The following PVT1 variants were observed in gnomAD, a reference collection of about 807,000 sequenced individuals.
The protein encoded by PVT1 is Pvt1 oncogene, also known as CXCR4/PVT1 fusion.
chr8:128,020,195 C>A (rs1181424160), intron 4 of PVT1, among the ~76,000 whole-genome samples: 1 of 152,146 alleles, frequency 6.6e-6, no homozygotes, highest in Non-Finnish European at 1.5e-5. Context: ...ACAGAATGGC[C>A]CTCTAAAGAT....
At chr8:128,030,610 TC>T (rs992911419) in intron 4 of PVT1, among the ~76,000 whole-genome samples, 1 of 152,214 alleles carries the variant, frequency 6.6e-6, no homozygotes, top group Admixed American at 6.5e-5. Context: ...CTTTTGGAGT[TC>T]CCCAAGGCAG....
intron 4 of PVT1, among the ~76,000 whole-genome samples, chr8:128,065,131 A>ACGTGCATGTG (rs1356126830): frequency 6.6e-6 from 1 of 152,222 alleles, no homozygotes; most frequent in East Asian, 1.9e-4. Flanking sequence ...TTTACAATGT[A>ACGTGCATGTG]CGTGCATGTG....
At chr8:127,971,200 C>A (rs1816761184) in intron 3 of PVT1, among the ~76,000 whole-genome samples, 1 of 152,242 alleles carries the variant, frequency 6.6e-6, no homozygotes, top group African/African-American at 2.4e-5. Flanking sequence ...CTCATTTGCT[C>A]TGCATAGCAG....
chr8:128,049,364 C>T (rs1316689065), intron 4 of PVT1: 8 of 337,320 alleles, frequency 2.4e-5, no homozygotes, highest in African/African-American at 6.5e-5. Flanking sequence ...CCCAGCTTTG[C>T]GCGGAGGCAG....
At chr8:128,071,609 C>T (rs1813993671) in intron 5 of PVT1, among the ~76,000 whole-genome samples, 1 of 151,654 alleles carries the variant, frequency 6.6e-6, no homozygotes, top group Admixed American at 6.6e-5. Context: ...CGCTTGAGCC[C>T]AGGAGGTCAA....
intron 1 of PVT1, among the ~76,000 whole-genome samples, chr8:127,795,011 T>C (rs1216509482): frequency 6.6e-6 from 1 of 152,136 alleles, no homozygotes; most frequent in East Asian, 1.9e-4. Flanking sequence ...TTTCTAAAAA[T>C]AGACCCCTCT....
At chr8:128,035,219 G>A (rs937452720) in intron 4 of PVT1, among the ~76,000 whole-genome samples, 1 of 152,226 alleles carries the variant, frequency 6.6e-6, no homozygotes, top group Non-Finnish European at 1.5e-5. Flanking sequence ...ATTGGCATGA[G>A]AGGAGCTGCC....
intron 2 of PVT1, among the ~76,000 whole-genome samples, chr8:127,861,549 GT>G (rs1815228431): frequency 7.2e-6 from 1 of 138,098 alleles, no homozygotes; most frequent in South Asian, 2.3e-4. Context: ...AGATGGTTTT[GT>G]TTTTGACATG....
At chr8:128,048,251 C>T (rs1007758757) in intron 4 of PVT1, among the ~76,000 whole-genome samples, 1 of 152,226 alleles carries the variant, frequency 6.6e-6, no homozygotes, top group Non-Finnish European at 1.5e-5. Context: ...AGGCTTTCCA[C>T]TAATATTTGT....
In PVT1 at chr8:127,821,250, C is replaced by G. The variant is rs1022111964; in HGVS notation, n.372+25179C>G. Among the ~76,000 whole-genome samples, 44 of 152,224 alleles carry G rather than the reference C, an allele frequency of 2.9e-4. 1 individual carries two copies. The highest frequency in any genetic ancestry group is 1.0e-3 in the African/African-American group (43 of 41,546). ...CAAGTAGTAGCTAGGCCTGTGCTGT[C>G]CCATATGGTAGCCGCTAGCCACTAG... On this transcript the variant is annotated intron_variant and non_coding_transcript_variant, in intron 2 of 10. Coordinates refer to ENST00000651587, the Ensembl canonical transcript of PVT1.
At chr8:128,078,345 G>A (rs746438952) in intron 5 of PVT1, among the ~76,000 whole-genome samples, 6 of 152,080 alleles carry the variant, frequency 3.9e-5, no homozygotes, top group Non-Finnish European at 8.8e-5. Context: ...ATTTTTCTTT[G>A]CATGTTTGAA....
intron 3 of PVT1, among the ~76,000 whole-genome samples, chr8:127,941,001 G>A (rs1221225642): frequency 2.6e-5 from 4 of 152,198 alleles, no homozygotes; most frequent in East Asian, 1.9e-4. Flanking sequence ...GCAGGGGAGA[G>A]TCTGTTCCTT....
chr8:127,957,841 G>T (rs890468620), intron 3 of PVT1, among the ~76,000 whole-genome samples: 3 of 152,240 alleles, frequency 2.0e-5, no homozygotes, highest in African/African-American at 7.2e-5. Flanking sequence ...TGCGCATGGC[G>T]GGGAGGTGTG....
intron 2 of PVT1, among the ~76,000 whole-genome samples, chr8:127,888,378 T>C (rs963335857): frequency 6.6e-6 from 1 of 152,244 alleles, no homozygotes; most frequent in African/African-American, 2.4e-5. Context: ...GAATGAGTGG[T>C]GCCTCCTCAT....
chr8:127,884,628 A>G (rs867254050), intron 2 of PVT1, among the ~76,000 whole-genome samples: 6 of 152,374 alleles, frequency 3.9e-5, no homozygotes, highest in African/African-American at 1.4e-4. Context: ...ATCAAAGCCA[A>G]TTATTGGCAT....
intron 5 of PVT1, among the ~76,000 whole-genome samples, chr8:128,078,912 C>T (rs1814132572): frequency 6.6e-6 from 1 of 152,032 alleles, no homozygotes; most frequent in Non-Finnish European, 1.5e-5. Flanking sequence ...CAGCACCCCC[C>T]GAGTAGCTGG....
intron 3 of PVT1, among the ~76,000 whole-genome samples, chr8:127,954,138 TAA>T (rs1160586451): frequency 6.6e-6 from 1 of 152,168 alleles, no homozygotes; most frequent in Non-Finnish European, 1.5e-5. Flanking sequence ...CCGTTACTCT[TAA>T]GTTTCCTTAT....
At chr8:127,903,220 C>T (rs551509356) in intron 3 of PVT1, among the ~76,000 whole-genome samples, 6 of 152,322 alleles carry the variant, frequency 3.9e-5, no homozygotes, top group African/African-American at 1.2e-4. Flanking sequence ...TTGGTGGCTG[C>T]ATGAATGTCT....
At chr8:128,072,584 C>T (rs1586507741) in intron 5 of PVT1, among the ~76,000 whole-genome samples, 1 of 152,114 alleles carries the variant, frequency 6.6e-6, no homozygotes. Context: ...AGTCATTTCC[C>T]CCCAACTCCA....
Sources: allele counts gnomAD v4.1 joint callset (sites outside exome capture counted in the v4.1 genomes callset), GRCh38; gene constraint gnomAD v4.1.1; transcripts MANE v1.5; gene names NCBI Gene and HGNC (gene_info 2026-07-23, HGNC 2026-07-21).